Variants in CYRIB observed in about 807,000 individuals in gnomAD.
The protein encoded by CYRIB is CYFIP related Rac1 interactor B.
A neutral mutation model predicts 44.2 loss-of-function variants in CYRIB; 8 were observed. The observed-to-expected ratio is 0.18, with a 90% CI of 0.11 to 0.33. The LOEUF (loss-of-function observed/expected upper bound fraction) is 0.33. Among genes scored for constraint, CYRIB ranks in the 10% least tolerant of loss-of-function variants. The pLI is 1.00. For synonymous variants in CYRIB, 131 were observed against 127.2 expected (o/e 1.03, Z -0.20); for missense variants, 185 against 382.8 (o/e 0.48, Z 4.31).
chr8:129,871,609 AAT>A, intron 3 of CYRIB, 113 bp from the exon 6 acceptor site: 1 of 1,064,860 alleles, frequency 9.4e-7, no homozygotes, highest in Non-Finnish European at 1.4e-6. Flanking sequence ...AATTCTAGTT[AAT>A]GTTAACTTTG....
intron 4 of CYRIB, chr8:129,864,836 C>A: frequency 2.3e-6 from 1 of 436,584 alleles, no homozygotes; most frequent in Non-Finnish European, 4.5e-6. Context: ...TCCACGTACA[C>A]ATTTTTGAGG....
rs116601846 is a variant in CYRIB, at chr8:129,910,615, T to C, written c.-49-7265A>G. ...GAGTTTGAGAACAGACAAGACAACA[T>C]AGCAAGACCATATACACACAAAAAT... On this transcript the variant is annotated intron_variant, in intron 1 of 11. Coordinates refer to ENST00000519824, the Ensembl canonical transcript of CYRIB. 6.3e-3 allele frequency among the ~76,000 whole-genome samples: 946 copies of C among 149,074 alleles called. 10 individuals carry two copies. Among genetic ancestry groups the C allele is most frequent in the African/African-American group, 0.022 (892 of 40,558 alleles).
intron 1 of CYRIB, among the ~76,000 whole-genome samples, chr8:129,992,862 G>A (rs1462506507): frequency 1.3e-5 from 2 of 152,180 alleles, no homozygotes; most frequent in Non-Finnish European, 2.9e-5. Context: ...GTGGGCTGGC[G>A]ACAGCTGCTG....
intron 1 of CYRIB, among the ~76,000 whole-genome samples, chr8:129,921,823 G>A (rs904613935): frequency 1.3e-5 from 2 of 152,112 alleles, no homozygotes; most frequent in African/African-American, 4.8e-5. Flanking sequence ...CTATCAGACA[G>A]CTTGCCTGGA....
intron 5 of CYRIB, among the ~76,000 whole-genome samples, chr8:129,858,552 C>T (rs2047441818): frequency 6.6e-6 from 1 of 152,114 alleles, no homozygotes; most frequent in African/African-American, 2.4e-5. Context: ...TTCTCATCAA[C>T]TGCCATCTAT....
chr8:129,884,439 C>G (rs1253562478), intron 2 of CYRIB, among the ~76,000 whole-genome samples: 1 of 152,076 alleles, frequency 6.6e-6, no homozygotes, highest in Non-Finnish European at 1.5e-5. Flanking sequence ...CAGGCATGCA[C>G]CACCACGCCC....
At chr8:129,967,378 T>TG (rs1564481932) in intron 2 of CYRIB, among the ~76,000 whole-genome samples, 1 of 151,780 alleles carries the variant, frequency 6.6e-6, no homozygotes, top group Admixed American at 6.6e-5. Flanking sequence ...TTTGTTTTTT[T>TG]GTTTTTTTGT....
At chr8:129,842,925 A>AT (rs1182777932) in intron 11 of CYRIB, among the ~76,000 whole-genome samples, 1 of 152,176 alleles carries the variant, frequency 6.6e-6, no homozygotes, top group Non-Finnish European at 1.5e-5. Flanking sequence ...AAATGTCTCA[A>AT]TTCTCCCAAG....
At chr8:129,857,321 A>T (rs562860472) in intron 5 of CYRIB, among the ~76,000 whole-genome samples, 26 of 152,298 alleles carry the variant, frequency 1.7e-4, no homozygotes, top group African/African-American at 6.3e-4. Flanking sequence ...CCAGGAAAAG[A>T]TCTCCCTGAA....
intron 2 of CYRIB, among the ~76,000 whole-genome samples, chr8:129,945,753 A>C (rs754552981): frequency 2.5e-4 from 38 of 152,156 alleles, no homozygotes; most frequent in Admixed American, 5.9e-4. Context: ...TTGCATTTTT[A>C]ATAGAGACAG....
At chr8:129,899,893 G>T (rs2070567323) in intron 2 of CYRIB, among the ~76,000 whole-genome samples, 1 of 152,178 alleles carries the variant, frequency 6.6e-6, no homozygotes. Context: ...TATGGTCTTT[G>T]TAGTCTCTTT....
intron 2 of CYRIB, among the ~76,000 whole-genome samples, chr8:129,893,359 C>A (rs1052518919): frequency 6.6e-6 from 1 of 152,084 alleles, no homozygotes; most frequent in Non-Finnish European, 1.5e-5. Context: ...AGAGACCAGA[C>A]AAGCAAGTGT....
At chr8:129,876,596 C>T (rs2059205724) in intron 3 of CYRIB, among the ~76,000 whole-genome samples, 2 of 152,296 alleles carry the variant, frequency 1.3e-5, no homozygotes, top group African/African-American at 2.4e-5. Flanking sequence ...TAAAGACAAT[C>T]TTAATTTTGT....
intron 1 of CYRIB, among the ~76,000 whole-genome samples, chr8:129,935,710 T>C (rs1262839566): frequency 6.6e-6 from 1 of 152,154 alleles, no homozygotes; most frequent in Non-Finnish European, 1.5e-5. Flanking sequence ...TAGCAGAAAA[T>C]AACTGTACAG....
exon 7 of CYRIB, chr8:129,854,271 C>T: frequency 6.2e-7 from 1 of 1,605,366 alleles, no homozygotes; most frequent in South Asian, 1.1e-5. Context: ...CTTACCGGTA[C>T]ATTGTTAATC....
chr8:129,959,016 ATCATGCCACTGCACTCC>A (rs2095060242), intron 2 of CYRIB, among the ~76,000 whole-genome samples: 1 of 144,278 alleles, frequency 6.9e-6, no homozygotes, highest in Admixed American at 7.2e-5. Context: ...GTGAGCCGAG[ATCATGCCACTGCACTCC>A]AGCCTGGGCA....
chr8:130,003,846 G>T (rs1018946040), intron 1 of CYRIB, among the ~76,000 whole-genome samples: 21 of 152,262 alleles, frequency 1.4e-4, no homozygotes, highest in Middle Eastern at 3.4e-3. Context: ...CTCAGGCAGG[G>T]CCTCAAGGAC....
At chr8:129,940,998 A>C (rs1473897079), upstream of CYRIB, among the ~76,000 whole-genome samples, 1 of 151,652 alleles carries the variant, frequency 6.6e-6, no homozygotes, top group Non-Finnish European at 1.5e-5. Context: ...CCAAGAAATC[A>C]CTCCTTGCCA....
intron 1 of CYRIB, among the ~76,000 whole-genome samples, chr8:129,993,682 G>C (rs1429968485): frequency 1.3e-5 from 2 of 151,162 alleles, no homozygotes; most frequent in African/African-American, 4.9e-5. Flanking sequence ...GGGCGACAGA[G>C]TGAAACTCTC....
Sources: allele counts gnomAD v4.1 joint callset (sites outside exome capture counted in the v4.1 genomes callset), GRCh38; gene constraint gnomAD v4.1.1; transcripts MANE v1.5; gene names NCBI Gene and HGNC (gene_info 2026-07-23, HGNC 2026-07-21).